Variants in NMNAT2 observed in about 807,000 individuals in gnomAD.
The protein encoded by NMNAT2 is nicotinamide nucleotide adenylyltransferase 2, also known as nicotinamide/nicotinic acid mononucleotide adenylyltransferase 2.
In NMNAT2, 11 loss-of-function variants were observed where a neutral mutation model predicts 41.6. That is an observed-to-expected ratio of 0.26 (90% CI 0.17 to 0.44). The LOEUF (loss-of-function observed/expected upper bound fraction) is 0.44. Among genes scored for constraint, NMNAT2 ranks in the 20% least tolerant of loss-of-function variants. The pLI, the probability that NMNAT2 is intolerant of heterozygous loss-of-function variation, is 1.00. For missense variants in NMNAT2, 288 were observed against 407.7 expected, an observed-to-expected ratio of 0.71 and a Z score of 2.53; for synonymous variants, 148 against 151.2, an observed-to-expected ratio of 0.98 and a Z score of 0.16.
At chr1:183,254,442 G>GTTTGC (rs939610433) in intron 10 of NMNAT2, among the ~76,000 whole-genome samples, 1 of 150,722 alleles carries the variant, frequency 6.6e-6, no homozygotes, top group African/African-American at 2.5e-5. Context: ...TTGTTTGTTT[G>GTTTGC]TTTGCTTTTT....
chr1:183,396,546 G>A (rs536182739), intron 1 of NMNAT2, among the ~76,000 whole-genome samples: 13 of 152,176 alleles, frequency 8.5e-5, no homozygotes, highest in South Asian at 2.1e-4. Flanking sequence ...TCAAGTTAGC[G>A]TGTATATAAC....
At chr1:183,257,382 A>C (rs1436086565) in intron 10 of NMNAT2, among the ~76,000 whole-genome samples, 1 of 152,140 alleles carries the variant, frequency 6.6e-6, no homozygotes, top group Non-Finnish European at 1.5e-5. Context: ...CGGAGGTTGC[A>C]GTGAGCCAAG....
At chr1:183,312,230 G>A (rs1662139108) in intron 1 of NMNAT2, among the ~76,000 whole-genome samples, 1 of 151,192 alleles carries the variant, frequency 6.6e-6, no homozygotes, top group Non-Finnish European at 1.5e-5. Context: ...TTAGTCACAG[G>A]TTTGGAATTT....
intron 1 of NMNAT2, among the ~76,000 whole-genome samples, chr1:183,297,815 G>A (rs936439684): frequency 6.6e-6 from 1 of 152,160 alleles, no homozygotes; most frequent in African/African-American, 2.4e-5. Flanking sequence ...CTTAACAAAT[G>A]TTAGCAAATA....
chr1:183,363,878 A>G (rs578049643), intron 1 of NMNAT2, among the ~76,000 whole-genome samples: 16 of 152,312 alleles, frequency 1.1e-4, no homozygotes, highest in African/African-American at 1.4e-4. Flanking sequence ...AAGGCCTGTC[A>G]TTTATTCTTT....
chr1:183,260,800 C>T (rs1571556435), intron 10 of NMNAT2, among the ~76,000 whole-genome samples: 1 of 105,940 alleles, frequency 9.4e-6, no homozygotes, highest in Admixed American at 1.3e-4. Flanking sequence ...GCCTGGGCAA[C>T]AAGAGTGAGA....
At chr1:183,294,198 T>C (rs1460841306) in intron 1 of NMNAT2, among the ~76,000 whole-genome samples, 1 of 152,118 alleles carries the variant, frequency 6.6e-6, no homozygotes, top group Non-Finnish European at 1.5e-5. Context: ...CCTTATAATA[T>C]GAAAGATGTG....
At chr1:183,328,404 G>A (rs190004959) in intron 1 of NMNAT2, among the ~76,000 whole-genome samples, 2 of 152,310 alleles carry the variant, frequency 1.3e-5, no homozygotes, top group Admixed American at 1.3e-4. Flanking sequence ...GCCCTTCTAG[G>A]AGAATGCTCT....
chr1:183,293,348 C>G (rs930390769), intron 2 of NMNAT2, among the ~76,000 whole-genome samples: 1 of 152,248 alleles, frequency 6.6e-6, no homozygotes, highest in African/African-American at 2.4e-5. Flanking sequence ...CTCCTAAAAT[C>G]CTGAGAAGAC....
At chr1:183,256,734 A>G (rs1459440834) in intron 10 of NMNAT2, among the ~76,000 whole-genome samples, 1 of 152,158 alleles carries the variant, frequency 6.6e-6, no homozygotes. Flanking sequence ...ATCAATGCTC[A>G]TCAGAAATAT....
At chr1:183,271,273 T>A (rs1343308497) in intron 8 of NMNAT2, among the ~76,000 whole-genome samples, 1 of 152,184 alleles carries the variant, frequency 6.6e-6, no homozygotes, top group East Asian at 1.9e-4. Flanking sequence ...CCTTCCCAAA[T>A]AAATACCAGG....
chr1:183,255,449 T>G (rs905605059), intron 10 of NMNAT2, among the ~76,000 whole-genome samples: 1 of 152,188 alleles, frequency 6.6e-6, no homozygotes, highest in African/African-American at 2.4e-5. Context: ...TTCTGTGAAG[T>G]ATGAATGCTG....
At chr1:183,262,269 T>A (rs1660678620) in intron 8 of NMNAT2, among the ~76,000 whole-genome samples, 1 of 150,048 alleles carries the variant, frequency 6.7e-6, no homozygotes, top group African/African-American at 2.5e-5. Context: ...ACATTTTTAT[T>A]TTCTGACTGT....
intron 1 of NMNAT2, among the ~76,000 whole-genome samples, chr1:183,394,458 G>A (rs1648573808): frequency 6.6e-6 from 1 of 152,146 alleles, no homozygotes; most frequent in Non-Finnish European, 1.5e-5. Context: ...GCAAATTAAT[G>A]ACTTCTTTTC....
Position 183,344,103 on chromosome 1 carries a change from G to A in NMNAT2, c.86-50310C>T, listed in dbSNP as rs151083820. ...CAAGCCTTGGGTTAAATGCTGAGAA[G>A]CTTTCCTAAATCCTGAGGCAGGTAA... On this transcript the variant is annotated intron_variant, in intron 1 of 10. Coordinates refer to ENST00000287713, the MANE Select transcript of NMNAT2 (RefSeq NM_015039.4). Among the ~76,000 whole-genome samples the A allele has an allele frequency of 4.8e-4, 73 of 152,258 alleles. No individual in the cohort carries two copies. The East Asian group carries it at 0.013, about 28-fold the overall frequency.
chr1:183,308,480 A>C (rs1345321382), intron 1 of NMNAT2, among the ~76,000 whole-genome samples: 4 of 152,226 alleles, frequency 2.6e-5, no homozygotes, highest in African/African-American at 9.6e-5. Flanking sequence ...AAAAACTTGC[A>C]CATGTGCACA....
intron 1 of NMNAT2, among the ~76,000 whole-genome samples, chr1:183,377,466 G>T (rs1663704561): frequency 1.3e-5 from 2 of 152,014 alleles, no homozygotes; most frequent in South Asian, 2.1e-4. Flanking sequence ...TACAGACATT[G>T]ACAAAAATTC....
chr1:183,383,369 C>T lies in NMNAT2; in HGVS notation c.85+34814G>A, dbSNP rs572651494. Among the ~76,000 whole-genome samples the T allele has an allele frequency of 2.6e-5, 4 of 152,312 alleles. No homozygotes were observed. In the East Asian group the frequency reaches 7.7e-4, roughly 29 times the overall value. The stretch of plus-strand genomic sequence containing the variant: ...CTGGAATGCCTTCAAGAAATTTTCC[C>T]ATTATCTTGGCTAATAACACTAGAC... On this transcript the variant is annotated intron_variant, in intron 1 of 10. Coordinates refer to ENST00000287713, the MANE Select transcript of NMNAT2 (RefSeq NM_015039.4).
chr1:183,336,735 G>A (rs1320528810), intron 1 of NMNAT2, among the ~76,000 whole-genome samples: 1 of 152,108 alleles, frequency 6.6e-6, no homozygotes, highest in Non-Finnish European at 1.5e-5. Flanking sequence ...GAAAACCTGT[G>A]ACCACAAAAA....
Sources: gnomAD v4.1 joint callset for allele counts (sites outside exome capture counted in the v4.1 genomes callset) on GRCh38, gnomAD v4.1.1 for gene constraint, MANE v1.5 for transcripts, NCBI Gene and HGNC (gene_info 2026-07-23, HGNC 2026-07-21) for gene names.